FBXO9: variants seen among roughly 807,000 people sequenced by gnomAD.
The protein encoded by FBXO9 is F-box only protein 9.
In FBXO9, 43 loss-of-function variants were observed where a neutral mutation model predicts 63.7. That is an observed-to-expected ratio of 0.67 (90% CI 0.53 to 0.87). FBXO9 has a LOEUF of 0.87. FBXO9 is among the 40% of genes least tolerant of loss of function. The probability of loss-of-function intolerance (pLI) is 0.00; values close to 1 mark genes in which losing one functional copy is unlikely to be tolerated. For missense variants in FBXO9, 442 were observed against 533.2 expected (o/e 0.83, Z 1.68); for synonymous variants, 156 against 171.7 (o/e 0.91, Z 0.72).
At chr6:53,084,151 C>G (rs936502687) in intron 7 of FBXO9, among the ~76,000 whole-genome samples, 10 of 152,180 alleles carry the variant, frequency 6.6e-5, no homozygotes, top group African/African-American at 2.4e-4. Flanking sequence ...AGTAATATGA[C>G]AATTCCAATT....
intron 7 of FBXO9, among the ~76,000 whole-genome samples, chr6:53,087,847 T>G (rs747266515): frequency 8.5e-5 from 13 of 152,224 alleles, no homozygotes; most frequent in Non-Finnish European, 1.6e-4. Context: ...TTTGTATTAG[T>G]GTATTTCTTA....
At chr6:53,078,931 A>G in intron 5 of FBXO9, 33 bp downstream of exon 5, 1 of 1,518,926 alleles carries the variant, frequency 6.6e-7, no homozygotes. Context: ...AGTAATGCAT[A>G]GAGTTTGTTA....
chr6:53,094,841 G>T, intron 11 of FBXO9: 1 of 375,860 alleles, frequency 2.7e-6, no homozygotes, highest in African/African-American at 2.2e-5. Context: ...GGTTTCCTGA[G>T]GTCAAAATTG....
rs1355055634 is a variant in FBXO9 at position 53,095,530 on chromosome 6, A to G, written c.1071A>G (p.Lys357=). 2 of 1,611,980 alleles carry G rather than the reference A, an allele frequency of 1.2e-6. No homozygotes were observed. Among genetic ancestry groups the G allele is most frequent in the Non-Finnish European group, 1.7e-6 (2 of 1,179,288 alleles). Residue 357 remains lysine (K), a synonymous_variant, in exon 12 of 13, where the codon AAA becomes AAG. Transcript: ENST00000323557. ...TTTTGCAGAAACCACTTGACTATAA[A>G]TACAGATATTTTCGTCGTGTCCCTG... ...KKKEEKPLDY[K]YRYFRRVPVQ... is the part of the protein sequence containing the mutation.
At chr6:53,074,230 T>G (rs999536441) in intron 3 of FBXO9, among the ~76,000 whole-genome samples, 14 of 12,660 alleles carry the variant, frequency 1.1e-3, no homozygotes, top group Non-Finnish European at 6.4e-4. Context: ...TTTCTTATTC[T>G]TCTTCCATAG....
intron 7 of FBXO9, among the ~76,000 whole-genome samples, chr6:53,087,973 G>A (rs930633359): frequency 4.6e-5 from 7 of 152,014 alleles, no homozygotes; most frequent in African/African-American, 1.7e-4. Context: ...TGACATGCTT[G>A]GACTTTCTGC....
chr6:53,087,198 T>C (rs995309466), intron 7 of FBXO9, among the ~76,000 whole-genome samples: 12 of 151,494 alleles, frequency 7.9e-5, no homozygotes, highest in African/African-American at 2.9e-4. Context: ...GAAAAATTAG[T>C]TGGACGTAGT....
At chr6:53,071,369 A>G (rs1315913796) in intron 2 of FBXO9, among the ~76,000 whole-genome samples, 1 of 152,254 alleles carries the variant, frequency 6.6e-6, no homozygotes, top group African/African-American at 2.4e-5. Flanking sequence ...TATTCAAACT[A>G]AGGCTTACGC....
rs371719393 is a variant in FBXO9, at chr6:53,075,136, A to T, written c.250-1350A>T. Among the ~76,000 whole-genome samples, 73 of 151,812 alleles carry T rather than the reference A, an allele frequency of 4.8e-4. No homozygotes were observed. The East Asian group carries it at 7.6e-3, about 16-fold the overall frequency. On this transcript the variant is annotated intron_variant, in intron 3 of 12. Coordinates refer to ENST00000323557, the MANE Select transcript of FBXO9 (RefSeq NM_033480.3). ...TGCTACTTTTTAATTTAATTTAATT[A>T]ATTTATTTATTTATTTTAAGACAGA... is the stretch of plus-strand genomic sequence containing the variant.
chr6:53,079,056 T>A (rs929910955), intron 5 of FBXO9, among the ~76,000 whole-genome samples, 158 bp downstream of exon 5: 7 of 152,026 alleles, frequency 4.6e-5, no homozygotes, highest in African/African-American at 1.7e-4. Flanking sequence ...TTAGGGAAAT[T>A]GCAAGATAAC....
Position 53,078,886 on chromosome 6 carries a change from T to C in FBXO9, c.395T>C (p.Val132Ala), listed in dbSNP as rs1429294770. The C allele has an allele frequency of 6.2e-7, 1 of 1,613,108 alleles. No homozygotes were observed. Residue 132 changes from valine to alanine, a missense_variant, in exon 5 of 13, where the codon GTT (valine) becomes GCT (alanine). This residue lies in a region of FBXO9 where 180 missense variants were observed against 171.1 expected (regional missense o/e 1.05). Coordinates refer to ENST00000323557, the MANE Select transcript of FBXO9 (RefSeq NM_033480.3). ...TYTRSPDGDG[V>A]GNSYIEDNDD... Reference sequence around the variant, plus strand: ...ACCCGGTCTCCAGATGGTGATGGCGTTGGAAACAGCTAGTGCGTATATAAT... The same window carrying C: ...ACCCGGTCTCCAGATGGTGATGGCGCTGGAAACAGCTAGTGCGTATATAAT...
intron 9 of FBXO9, chr6:53,093,039 C>T (rs1763091104): frequency 4.6e-6 from 2 of 438,032 alleles, no homozygotes; most frequent in Non-Finnish European, 8.0e-6. Flanking sequence ...TTGTCTTTTG[C>T]CCTGGGTGTA....
intron 5 of FBXO9, among the ~76,000 whole-genome samples, chr6:53,079,726 A>G (rs1769242896): frequency 6.6e-6 from 1 of 152,166 alleles, no homozygotes; most frequent in Admixed American, 6.5e-5. Flanking sequence ...ATGAAATATT[A>G]TATTAGCTAT....
chr6:53,080,983 T>C lies in FBXO9; in HGVS notation c.423T>C (p.Asp141=). 6.2e-7 allele frequency: 1 copy of C among 1,613,804 alleles called. No homozygotes were observed. The highest frequency in any genetic ancestry group is 1.7e-5 in the Admixed American group (1 of 60,014). Residue 141 remains aspartate (D), a synonymous_variant, in exon 6 of 13, where the codon GAT becomes GAC. Transcript: ENST00000323557. ...CTTTTTTCAGCATTGAAGATAATGA[T>C]GATGACAGCAAAATGGCAGATCTCT... ...GVGNSYIEDN[D]DDSKMADLLS... is the part of the protein sequence containing the mutation.
chr6:53,076,618 C>G, intron 4 of FBXO9, 75 bp downstream of exon 4: 1 of 1,091,034 alleles, frequency 9.2e-7, no homozygotes, highest in East Asian at 3.0e-5. Flanking sequence ...ATTTTTTTTT[C>G]TATAACTTAT....
chr6:53,075,321 T>A (rs1326545114), intron 3 of FBXO9, among the ~76,000 whole-genome samples: 1 of 150,856 alleles, frequency 6.6e-6, no homozygotes, highest in Non-Finnish European at 1.5e-5. Context: ...TTTTTACAAA[T>A]TTGTATTTTG....
Position 53,095,640 on chromosome 6 carries a change from A to G in FBXO9, c.1181A>G (p.His394Arg), listed in dbSNP as rs1198105767. 1 of 1,611,220 alleles carries G rather than the reference A, an allele frequency of 6.2e-7. No individual in the cohort carries two copies. The highest frequency in any genetic ancestry group is 1.3e-5 in the African/African-American group (1 of 74,834). The change falls in exon 12 of 13, where the codon CAT becomes CGT. Residue 394 changes from histidine to arginine, a missense_variant. By Grantham distance (29) the His-to-Arg change is conservative. Around this residue, in one of 2 missense-constraint regions of FBXO9, gnomAD observed 262 missense variants for 362.1 expected, o/e 0.72. Coordinates refer to ENST00000323557, the MANE Select transcript of FBXO9 (RefSeq NM_033480.3). ...AGGTTCAACAAACTCATCTGGATAC[A>G]TCATTCTTGTCACATTACTTACAAG... is the stretch of plus-strand genomic sequence containing the variant. ...HQRFNKLIWI[H>R]HSCHITYKST...
chr6:53,097,926 G>GTGTA lies in FBXO9; in HGVS notation c.*97_*98insGTAT, dbSNP rs1295147641. The GTGTA allele has an allele frequency of 1.8e-4, 16 of 88,482 alleles. No homozygotes were observed. Among genetic ancestry groups the GTGTA allele is most frequent in the African/African-American group, 3.9e-4 (7 of 18,098 alleles). The allele number at this position is 88,482 out of a possible 1,614,324, so 5.5% of individuals were successfully genotyped here. Reference sequence around the variant, plus strand: ...TAAATGTGTGTGTGTGCGTGTGTGTGTATATATATATATATATATATATAT... The same window carrying GTGTA: ...TAAATGTGTGTGTGTGCGTGTGTGTGTGTATATATATATATATATATATATATAT... On this transcript the variant is annotated 3_prime_UTR_variant, in exon 13 of 13. Coordinates refer to ENST00000323557, the MANE Select transcript of FBXO9 (RefSeq NM_033480.3).
intron 6 of FBXO9, 51 bp from the exon 7 acceptor site, chr6:53,082,453 A>G (rs748684342): frequency 2.2e-4 from 272 of 1,218,250 alleles, no homozygotes; most frequent in Admixed American, 4.1e-4. Flanking sequence ...TGTAGTTGTG[A>G]CAATAGAATG....
Sources: allele counts gnomAD v4.1 joint callset (sites outside exome capture counted in the v4.1 genomes callset), GRCh38; gene constraint gnomAD v4.1.1; regional missense constraint gnomAD v4.1.1; transcripts MANE v1.5; gene names NCBI Gene and HGNC (gene_info 2026-07-23, HGNC 2026-07-21).